The following GRIP2 variants were observed in gnomAD, a reference collection of about 807,000 sequenced individuals.
GRIP2 encodes the protein glutamate receptor interacting protein 2, also known as glutamate receptor-interacting protein 2.
GRIP2 carries 58 observed loss-of-function variants against 108.3 expected under a neutral mutation model. That is an observed-to-expected ratio of 0.54 (90% CI 0.43 to 0.67). The LOEUF (loss-of-function observed/expected upper bound fraction) is 0.67. Among genes scored for constraint, GRIP2 ranks in the 30% least tolerant of loss-of-function variants. The pLI, the probability that GRIP2 is intolerant of heterozygous loss-of-function variation, is 0.00. For synonymous variants in GRIP2, 586 were observed against 598.2 expected, an observed-to-expected ratio of 0.98 and a Z score of 0.30; for missense variants, 1,278 against 1,430.6, an observed-to-expected ratio of 0.89 and a Z score of 1.72.
At chr3:14,537,592 C>G (rs1694863233) in intron 1 of GRIP2, among the ~76,000 whole-genome samples, 1 of 152,224 alleles carries the variant, frequency 6.6e-6, no homozygotes, top group African/African-American at 2.4e-5. Context: ...ATGAGTTTCT[C>G]AAGGTCAGAG....
At chr3:14,573,695 C>T in the GRIP2 span, 3 of 1,425,900 alleles carry the variant, frequency 2.1e-6, no homozygotes, top group South Asian at 1.1e-5. Context: ...TGGTGCAGAT[C>T]GGCCACTTGG....
At chr3:14,523,104 TCATC>T in intron 5 of GRIP2, 29 bp from the exon 6 acceptor site, 1 of 1,548,436 alleles carries the variant, frequency 6.5e-7, no homozygotes, top group Non-Finnish European at 8.8e-7. Flanking sequence ...GAAGCAGGAA[TCATC>T]CACCCACCCC....
chr3:14,514,013 A>G (rs887977246), intron 12 of GRIP2, among the ~76,000 whole-genome samples: 5 of 152,230 alleles, frequency 3.3e-5, no homozygotes, highest in African/African-American at 1.2e-4. Context: ...TGTCTGTCCA[A>G]TGGGGATGAT....
At chr3:14,590,659 GA>G in the GRIP2 span, among the ~76,000 whole-genome samples, 1 of 152,176 alleles carries the variant, frequency 6.6e-6, no homozygotes, top group Non-Finnish European at 1.5e-5. Context: ...GGAGCTTTCT[GA>G]AGATGTCACT....
chr3:14,578,847 GT>G, the GRIP2 span, among the ~76,000 whole-genome samples: 19 of 147,432 alleles, frequency 1.3e-4, no homozygotes, highest in South Asian at 4.3e-4. Flanking sequence ...CAGGCCAGCT[GT>G]TTTTTTTTTT....
At chr3:14,597,279 G>A in the GRIP2 span, among the ~76,000 whole-genome samples, 1 of 152,228 alleles carries the variant, frequency 6.6e-6, no homozygotes, top group Non-Finnish European at 1.5e-5. Flanking sequence ...GAAGAGACAT[G>A]AGAAATAGGG....
chr3:14,557,508 C>T (rs1341615606), upstream of GRIP2, among the ~76,000 whole-genome samples: 3 of 152,362 alleles, frequency 2.0e-5, no homozygotes, highest in East Asian at 5.8e-4. Flanking sequence ...CTCAGCTAGG[C>T]TGGAGGTTCT....
At chr3:14,547,791 C>G (rs1430668271) in intron 1 of GRIP2, among the ~76,000 whole-genome samples, 1 of 152,146 alleles carries the variant, frequency 6.6e-6, no homozygotes, top group Non-Finnish European at 1.5e-5. Context: ...GCTATTGGGG[C>G]TCAGCTCCAG....
intron 10 of GRIP2, among the ~76,000 whole-genome samples, 195 bp from the exon 11 acceptor site, chr3:14,517,408 C>A (rs1353857172): frequency 6.7e-6 from 1 of 149,716 alleles, no homozygotes; most frequent in Non-Finnish European, 1.5e-5. Flanking sequence ...TTCCATAGAC[C>A]CTGTGAAACT....
intron 20 of GRIP2, among the ~76,000 whole-genome samples, chr3:14,504,736 A>T (rs1693870113): frequency 6.6e-6 from 1 of 152,198 alleles, no homozygotes. Context: ...CACTTGCTCC[A>T]TTCAAGTCAA....
intron 17 of GRIP2, among the ~76,000 whole-genome samples, chr3:14,508,138 C>A (rs535661103): frequency 2.0e-5 from 3 of 152,336 alleles, no homozygotes; most frequent in East Asian, 3.9e-4. Context: ...CCAGCAGACA[C>A]CCTTGGTAGC....
Position 14,512,882 on chromosome 3 carries a change from A to C in GRIP2, c.1640-25T>G. The C allele has an allele frequency of 6.2e-7, 1 of 1,609,232 alleles. No homozygotes were observed. Among genetic ancestry groups the C allele is most frequent in the Non-Finnish European group, 8.5e-7 (1 of 1,175,870 alleles). On this transcript the variant is annotated intron_variant, in intron 13 of 23. Coordinates refer to ENST00000621039, the MANE Select transcript of GRIP2 (RefSeq NM_001080423.4). The surrounding 1 kb of genome is among the most constrained non-coding windows in gnomAD (Gnocchi z 5.1). ...TCTGGGGGTAGATGGACATAAACCG[A>C]CGTGAGGACCCAGAGGAGGAGCCTC...
intron 11 of GRIP2, among the ~76,000 whole-genome samples, chr3:14,516,471 C>G (rs1241070156): frequency 2.0e-5 from 3 of 152,242 alleles, no homozygotes; most frequent in Non-Finnish European, 4.4e-5. Flanking sequence ...TGTTTTGCCA[C>G]TTCCACAGGG....
chr3:14,554,203 T>A (rs1229320409), intron 1 of GRIP2, among the ~76,000 whole-genome samples: 1 of 152,158 alleles, frequency 6.6e-6, no homozygotes, highest in African/African-American at 2.4e-5. Context: ...TGAGTAGCCA[T>A]CCAAGGCCAC....
the GRIP2 span, among the ~76,000 whole-genome samples, chr3:14,571,873 T>C: frequency 6.6e-6 from 1 of 152,168 alleles, no homozygotes; most frequent in Non-Finnish European, 1.5e-5. Context: ...TATAAATTCA[T>C]GGCAAAACAA....
chr3:14,518,607 C>T (rs1004180825), intron 9 of GRIP2, among the ~76,000 whole-genome samples: 7 of 152,334 alleles, frequency 4.6e-5, no homozygotes, highest in African/African-American at 1.2e-4. Context: ...CACCATACAA[C>T]ACCTCTTCCC....
upstream of GRIP2, among the ~76,000 whole-genome samples, chr3:14,545,599 C>A (rs553400759): frequency 6.6e-6 from 1 of 152,352 alleles, no homozygotes; most frequent in Admixed American, 6.5e-5. Flanking sequence ...TAGCTTCCCT[C>A]CTGGAGGACA....
intron 21 of GRIP2, among the ~76,000 whole-genome samples, chr3:14,502,161 T>C (rs2090702): frequency 0.65 from 98,705 of 151,996 alleles, 33,256 homozygotes; most frequent in African/African-American, 0.83. Context: ...TAGTATACAA[T>C]AGAGACACAT....
At chr3:14,500,145 A>C (rs552930080) in intron 21 of GRIP2, among the ~76,000 whole-genome samples, 7 of 152,378 alleles carry the variant, frequency 4.6e-5, no homozygotes, top group African/African-American at 1.7e-4. Flanking sequence ...AATGGGTTAC[A>C]CAGTAGAATA....
Sources: gnomAD v4.1 joint callset for allele counts (sites outside exome capture counted in the v4.1 genomes callset) on GRCh38, gnomAD v4.1.1 for gene constraint, Gnocchi (gnomAD v3.1) non-coding constraint, MANE v1.5 for transcripts, NCBI Gene and HGNC (gene_info 2026-07-23, HGNC 2026-07-21) for gene names.